The following ASB15 variants were observed in gnomAD, a reference collection of about 807,000 sequenced individuals.
The protein encoded by ASB15 is ankyrin repeat and SOCS box containing 15.
A neutral mutation model predicts 58.0 loss-of-function variants in ASB15; 54 were observed. That is an observed-to-expected ratio of 0.93 (90% CI 0.75 to 1.17). The LOEUF is 1.17. Ranked by LOEUF, ASB15 falls within the 50% of genes most tolerant of loss-of-function variation. ASB15 has a pLI of 0.00. For missense variants in ASB15, 680 were observed against 707.4 expected (o/e 0.96, Z 0.44); for synonymous variants, 249 against 262.4 (o/e 0.95, Z 0.50).
At chr7:123,599,568 T>G (rs551079805), upstream of ASB15, among the ~76,000 whole-genome samples, 29 of 152,308 alleles carry the variant, frequency 1.9e-4, no homozygotes, top group African/African-American at 6.7e-4. Flanking sequence ...GCCTAAAATA[T>G]GAAGGCCAAG....
At chr7:123,630,145 A>G in intron 11 of ASB15, 26 bp downstream of exon 11, 2 of 1,523,902 alleles carry the variant, frequency 1.3e-6, no homozygotes, top group Non-Finnish European at 8.9e-7. Flanking sequence ...TTTGCCTACA[A>G]TTTTTAAATT....
In ASB15 at chr7:123,628,955, GCA is replaced by G; in HGVS notation, c.964_965del (p.Gln322ValfsTer7). The G allele has an allele frequency of 1.2e-6, 2 of 1,610,782 alleles. No individual in the cohort carries two copies. The highest frequency in any genetic ancestry group is 2.2e-5 in the South Asian group (2 of 90,248). ...PIHSAADGQN[A>X]QCLELLIENG... ...TCACTCAGCAGCAGATGGACAAAATGCACAGTGTCTAGAACTGCTCATTGAAA... is the reference window on the plus strand; with the variant it reads ...TCACTCAGCAGCAGATGGACAAAATGCAGTGTCTAGAACTGCTCATTGAAA... On this transcript the variant is annotated frameshift_variant, in exon 10 of 12. Coordinates refer to ENST00000451215, the MANE Select transcript of ASB15 (RefSeq NM_001290258.2). LOFTEE classifies it high-confidence loss of function.
intron 1 of ASB15, among the ~76,000 whole-genome samples, chr7:123,580,771 C>T (rs1338274493): frequency 1.3e-5 from 2 of 151,898 alleles, no homozygotes; most frequent in Non-Finnish European, 2.9e-5. Context: ...TACCTGGAAG[C>T]CCTGAGATAA....
intron 3 of ASB15, among the ~76,000 whole-genome samples, chr7:123,613,765 C>G (rs1800613322): frequency 6.6e-6 from 1 of 152,100 alleles, no homozygotes; most frequent in Non-Finnish European, 1.5e-5. Context: ...GTAAAAGGGA[C>G]CAGGCATGGT....
chr7:123,611,082 C>CAAAAAA (rs34527165), intron 3 of ASB15, among the ~76,000 whole-genome samples: 56 of 81,782 alleles, frequency 6.8e-4, no homozygotes, highest in Middle Eastern at 0.01. Flanking sequence ...AACTCCATCT[C>CAAAAAA]AAAAAAAAAA....
At chr7:123,627,032 C>T (rs1801833747) in intron 8 of ASB15, 78 bp from the exon 9 acceptor site, 1 of 1,455,976 alleles carries the variant, frequency 6.9e-7, no homozygotes, top group Admixed American at 1.8e-5. Flanking sequence ...CATGCCCAGC[C>T]CCACAACAGG....
At chr7:123,595,514 C>T (rs1029552206) in intron 1 of ASB15, among the ~76,000 whole-genome samples, 14 of 152,170 alleles carry the variant, frequency 9.2e-5, no homozygotes, top group African/African-American at 2.4e-4. Flanking sequence ...GACCAACTAT[C>T]GTCATGCTTA....
Position 123,617,619 on chromosome 7 carries a change from A to G in ASB15, c.333A>G (p.Gly111=). 4 of 1,611,392 alleles carry G rather than the reference A, an allele frequency of 2.5e-6. No homozygotes were observed. The highest frequency in any genetic ancestry group is 3.4e-6 in the Non-Finnish European group (4 of 1,177,480). The change falls in exon 7 of 12, where the codon GGA becomes GGG. Residue 111 remains glycine (G), a synonymous_variant. Coordinates refer to ENST00000451215, the MANE Select transcript of ASB15 (RefSeq NM_001290258.2). ...TCTGGGAATTCAAGACCTGTGATGG[A>G]GAAACACCCTTGACTTTGGCAGTCA... The part of the protein sequence containing the change: ...KTLWEFKTCD[G]ETPLTLAVKA...
Position 123,636,789 on chromosome 7 carries a change from A to G in ASB15, c.1595-20A>G, listed in dbSNP as rs941096822. ...CACTATTTAAAAAATTTTTTTGCTT[A>G]TTTTCCCGATTTCTTTTAGAGAATC... On this transcript the variant is annotated intron_variant, in intron 11 of 11. Transcript: ENST00000451215. 1 of 1,586,862 alleles carries G rather than the reference A, an allele frequency of 6.3e-7. No individual in the cohort carries two copies. The highest frequency in any genetic ancestry group is 1.4e-5 in the African/African-American group (1 of 73,032).
rs775306192 is a variant in ASB15 at position 123,624,683 on chromosome 7, G to A, written c.566G>A (p.Arg189Gln). 4 of 1,613,998 alleles carry A rather than the reference G, an allele frequency of 2.5e-6. No homozygotes were observed. In the East Asian group the frequency reaches 8.9e-5, roughly 36 times the overall value. ...ATGCATGAAGCAGCCAAGCAAGGCC[G>A]AAAAGATATCGTAGCTCTGCTGCTG... ...SAMHEAAKQG[R>Q]KDIVALLLKH... The change falls in exon 8 of 12, where the codon CGA becomes CAA. Residue 189 changes from arginine to glutamine, a missense_variant. By Grantham distance (43) the Arg-to-Gln change is conservative. Transcript: ENST00000451215.
Position 123,638,827 on chromosome 7 carries a change from T to C in ASB15, c.*1846T>C, listed in dbSNP as rs969779341. ...ATGGGAAGCCTCAGCACAGAACTTG[T>C]CATGCCATATTATAGATGCCTGTGT... is the stretch of plus-strand genomic sequence containing the variant. On this transcript the variant is annotated 3_prime_UTR_variant, in exon 12 of 12. Transcript: ENST00000451215. 2 of 152,228 alleles carry C rather than the reference T, an allele frequency of 1.3e-5. No individual in the cohort carries two copies. Among genetic ancestry groups the C allele is most frequent in the African/African-American group, 4.8e-5 (2 of 41,452 alleles). 9.4% of individuals were successfully genotyped at this position (152,228 alleles called of 1,614,324 possible). A position where few individuals can be genotyped will look rare whatever the true frequency, so the allele number is the denominator to read the frequency against.
chr7:123,580,586 C>G (rs554848973), intron 1 of ASB15, among the ~76,000 whole-genome samples: 2 of 152,110 alleles, frequency 1.3e-5, no homozygotes, highest in African/African-American at 2.4e-5. Flanking sequence ...CATATGAAAA[C>G]CCAGAACTGC....
At chr7:123,607,600 C>T (rs1015487067) in intron 2 of ASB15, among the ~76,000 whole-genome samples, 4 of 152,276 alleles carry the variant, frequency 2.6e-5, no homozygotes, top group African/African-American at 9.6e-5. Flanking sequence ...AATCCTCCCA[C>T]CTCAGCCCCC....
chr7:123,588,577 C>CCCTT lies in ASB15; in HGVS notation c.-442-15442_-442-15439dup, dbSNP rs1314363962. On this transcript the variant is annotated intron_variant, in intron 1 of 13. Transcript: ENST00000451558. The stretch of plus-strand genomic sequence containing the variant: ...TTTCCTTCTTCCTTCCTTCCTTCCT[C>CCCTT]CCTTCCTTCCTTCCTTTCTGTCTTT... Among the ~76,000 whole-genome samples the CCCTT allele has an allele frequency of 4.2e-5, 6 of 143,724 alleles. No homozygotes were observed. In the South Asian group the frequency reaches 1.3e-3, roughly 32 times the overall value. 94.3% of individuals were successfully genotyped at this position (143,724 alleles called of 152,430 possible).
chr7:123,612,397 A>G (rs1293550252), intron 3 of ASB15: 1 of 152,264 alleles, frequency 6.6e-6, no homozygotes, highest in Non-Finnish European at 1.5e-5. Flanking sequence ...AAACACAAAC[A>G]CAAGTATGTA....
intron 1 of ASB15, among the ~76,000 whole-genome samples, chr7:123,592,206 T>G (rs1198568085): frequency 6.6e-6 from 1 of 152,128 alleles, no homozygotes; most frequent in Non-Finnish European, 1.5e-5. Context: ...TTATTAGTCT[T>G]GCTAGCTGTC....
intron 1 of ASB15, among the ~76,000 whole-genome samples, chr7:123,578,939 C>T (rs1473736621): frequency 6.6e-6 from 1 of 151,990 alleles, no homozygotes; most frequent in African/African-American, 2.4e-5. Context: ...TCGGGTGGTA[C>T]ATATGCAGGT....
At chr7:123,619,073 G>A (rs1171571518) in intron 7 of ASB15, among the ~76,000 whole-genome samples, 7 of 151,284 alleles carry the variant, frequency 4.6e-5, no homozygotes, top group Non-Finnish European at 7.4e-5. Flanking sequence ...CCAGCTACTC[G>A]GGAGGCTGAT....
At position 123,627,158 on chromosome 7, in the gene ASB15, A is replaced by G; in HGVS notation, c.746A>G (p.Glu249Gly). Reference protein sequence around the residue: ...LADDGASVLFEAAGGGNPDCI... With the variant: ...LADDGASVLFGAAGGGNPDCI... ...GATGATGGGGCGTCGGTGCTGTTTGAGGCAGCAGGAGGTGGCAATCCCGAC... is the reference window on the plus strand; with the variant it reads ...GATGATGGGGCGTCGGTGCTGTTTGGGGCAGCAGGAGGTGGCAATCCCGAC... Residue 249 changes from glutamate (E) to glycine (G), a missense_variant, in exon 9 of 12, where the codon GAG becomes GGG. Glu to Gly is a moderately conservative substitution (Grantham distance 98). Coordinates refer to ENST00000451215, the MANE Select transcript of ASB15 (RefSeq NM_001290258.2). The G allele has an allele frequency of 6.2e-7, 1 of 1,613,980 alleles. No individual in the cohort carries two copies. The highest frequency in any genetic ancestry group is 8.5e-7 in the Non-Finnish European group (1 of 1,179,948).
Sources: allele counts gnomAD v4.1 joint callset (sites outside exome capture counted in the v4.1 genomes callset), GRCh38; gene constraint gnomAD v4.1.1; transcripts MANE v1.5; gene names NCBI Gene and HGNC (gene_info 2026-07-23, HGNC 2026-07-21).